DPYD: variants seen among roughly 807,000 people sequenced by gnomAD.
DPYD encodes the protein dihydropyrimidine dehydrogenase, also known as dihydropyrimidine dehydrogenase [NADP(+)].
DPYD carries 109 observed loss-of-function variants against 116.2 expected under a neutral mutation model. The ratio of observed to expected loss-of-function variants is 0.94; its 90% CI spans 0.80 to 1.10. The LOEUF (loss-of-function observed/expected upper bound fraction) is 1.10. Among genes scored for constraint, DPYD ranks in the 50% least tolerant of loss-of-function variants. The pLI, the probability that DPYD is intolerant of heterozygous loss-of-function variation, is 0.00. For synonymous variants in DPYD, 440 were observed against 432.0 expected, an observed-to-expected ratio of 1.02 and a Z score of -0.23; for missense variants, 1,302 against 1,254.5, an observed-to-expected ratio of 1.04 and a Z score of -0.57.
chr1:97,419,579 A>C (rs1674469185), intron 14 of DPYD, among the ~76,000 whole-genome samples: 1 of 150,112 alleles, frequency 6.7e-6, no homozygotes, highest in African/African-American at 2.4e-5. Context: ...ACGATGAGAC[A>C]AAATCTACCT....
chr1:97,654,813 A>G (rs561808006), intron 8 of DPYD, among the ~76,000 whole-genome samples: 8 of 152,316 alleles, frequency 5.3e-5, no homozygotes, highest in Non-Finnish European at 1.2e-4. Flanking sequence ...ATAAAGAAAA[A>G]TGGAATCGCA....
chr1:97,876,591 A>C (rs558619935), intron 2 of DPYD, among the ~76,000 whole-genome samples: 3 of 152,106 alleles, frequency 2.0e-5, no homozygotes, highest in African/African-American at 7.2e-5. Flanking sequence ...GCAGGAGATG[A>C]TCATCATTCA....
chr1:97,271,823 T>G (rs777597851), intron 18 of DPYD, among the ~76,000 whole-genome samples: 4 of 152,174 alleles, frequency 2.6e-5, no homozygotes, highest in Non-Finnish European at 4.4e-5. Flanking sequence ...CTTTGAATAA[T>G]TGATCTCAAG....
chr1:97,475,880 T>C (rs1677932989), intron 13 of DPYD, among the ~76,000 whole-genome samples: 1 of 152,214 alleles, frequency 6.6e-6, no homozygotes, highest in African/African-American at 2.4e-5. Context: ...TGATCCAAGA[T>C]AAATCAGAGT....
chr1:97,513,323 G>T (rs1275850993), intron 13 of DPYD, among the ~76,000 whole-genome samples: 6 of 151,684 alleles, frequency 4.0e-5, no homozygotes, highest in Admixed American at 2.6e-4. Flanking sequence ...AACAACGAGG[G>T]AGCCACACTG....
chr1:97,694,302 T>C (rs886952386), intron 6 of DPYD, among the ~76,000 whole-genome samples: 4 of 152,138 alleles, frequency 2.6e-5, no homozygotes, highest in African/African-American at 9.7e-5. Flanking sequence ...AAATGTGACG[T>C]TTTTATATTC....
chr1:97,332,707 A>G (rs1481131544), intron 16 of DPYD, among the ~76,000 whole-genome samples: 2 of 152,212 alleles, frequency 1.3e-5, no homozygotes, highest in Admixed American at 1.3e-4. Context: ...TGGAAAAATG[A>G]ACAAAATGCA....
chr1:97,672,757 T>C lies in DPYD; in HGVS notation c.850+6338A>G, dbSNP rs571571340. Among the ~76,000 whole-genome samples the C allele has an allele frequency of 5.9e-5, 9 of 152,268 alleles. No homozygotes were observed. The East Asian group carries it at 1.5e-3, about 26-fold the overall frequency. On this transcript the variant is annotated intron_variant, in intron 8 of 22. Transcript: ENST00000370192. ...AGAAGCCAATTAAGAATAACTTTTA[T>C]AGAGAATAATTCTGGCTTTGTGAAG...
chr1:97,677,812 G>C (rs931927111), intron 8 of DPYD, among the ~76,000 whole-genome samples: 10 of 152,204 alleles, frequency 6.6e-5, no homozygotes, highest in African/African-American at 1.7e-4. Flanking sequence ...ATGGCATTTT[G>C]ATAAGAAAAG....
chr1:97,420,330 C>T (rs1412307269), intron 14 of DPYD, among the ~76,000 whole-genome samples: 1 of 152,100 alleles, frequency 6.6e-6, no homozygotes, highest in African/African-American at 2.4e-5. Context: ...ACATGGAGAA[C>T]ACTTCGTAAT....
At chr1:97,322,922 T>A (rs1668385196) in intron 16 of DPYD, 1 of 151,914 alleles carries the variant, frequency 6.6e-6, no homozygotes. Context: ...GTGTCTATTG[T>A]TTTAAGGATT....
intron 16 of DPYD, among the ~76,000 whole-genome samples, chr1:97,313,311 T>G (rs1667622731): frequency 6.6e-6 from 1 of 151,930 alleles, no homozygotes; most frequent in Non-Finnish European, 1.5e-5. Context: ...GATAACATAA[T>G]AGATAACTGT....
rs945183373 is a variant in DPYD at position 97,607,705 on chromosome 1, C to T, written c.851-12539G>A. ...AGTCAGGAGGAGGGGTAGGAAAAAG[C>T]GGCATGCTGGAAGTCAAAAAAAGAG... On this transcript the variant is annotated intron_variant, in intron 8 of 22. Transcript: ENST00000370192. Among the ~76,000 whole-genome samples the T allele has an allele frequency of 7.9e-5, 12 of 151,730 alleles. No individual in the cohort carries two copies. The East Asian group carries it at 1.7e-3, about 22-fold the overall frequency.
At chr1:97,086,380 T>G (rs181056062) in intron 21 of DPYD, among the ~76,000 whole-genome samples, 22 of 150,178 alleles carry the variant, frequency 1.5e-4, no homozygotes, top group African/African-American at 5.4e-4. Context: ...AATAGACCAG[T>G]CAATGTTTCT....
intron 4 of DPYD, among the ~76,000 whole-genome samples, chr1:97,723,516 G>C (rs1056503159): frequency 6.6e-6 from 1 of 151,318 alleles, no homozygotes; most frequent in Non-Finnish European, 1.5e-5. Context: ...AGGACATATA[G>C]CTAGTCCATT....
At chr1:97,751,456 G>GTATATA (rs1326157374) in intron 3 of DPYD, among the ~76,000 whole-genome samples, 204 of 24,318 alleles carry the variant, frequency 8.4e-3, no homozygotes, top group Non-Finnish European at 9.9e-3. Flanking sequence ...GTGTGTGTGT[G>GTATATA]TGTGTATATA....
intron 2 of DPYD, among the ~76,000 whole-genome samples, chr1:97,849,659 T>A (rs946241463): frequency 4.6e-5 from 7 of 152,172 alleles, no homozygotes; most frequent in Non-Finnish European, 1.0e-4. Flanking sequence ...AACTGTATTA[T>A]CTTTCATAAT....
At chr1:97,658,820 C>A (rs1330741947) in intron 8 of DPYD, among the ~76,000 whole-genome samples, 1 of 152,160 alleles carries the variant, frequency 6.6e-6, no homozygotes, top group Non-Finnish European at 1.5e-5. Flanking sequence ...GTATGACTTG[C>A]TTCTTGCCTT....
At position 97,174,610 on chromosome 1, in the gene DPYD, T is replaced by A. The variant is rs115407630; in HGVS notation, c.2622+18459A>T. 7.4e-3 allele frequency among the ~76,000 whole-genome samples: 1,123 copies of A among 152,316 alleles called. 17 individuals are homozygous for A. The highest frequency in any genetic ancestry group is 0.025 in the African/African-American group (1,052 of 41,576). On this transcript the variant is annotated intron_variant, in intron 20 of 22. Coordinates refer to ENST00000370192, the MANE Select transcript of DPYD (RefSeq NM_000110.4). ...TTTCCAGTGGTTAACTTCATAAGGT[T>A]TTTAGTTCCCAAAGGCTACCTGATT...
Sources: gnomAD v4.1 joint callset for allele counts (sites outside exome capture counted in the v4.1 genomes callset) on GRCh38, gnomAD v4.1.1 for gene constraint, MANE v1.5 for transcripts, NCBI Gene and HGNC (gene_info 2026-07-23, HGNC 2026-07-21) for gene names.